The following CMIP variants were observed in gnomAD, a reference collection of about 807,000 sequenced individuals.
The protein encoded by CMIP is c-Maf inducing protein, also known as C-Maf-inducing protein.
CMIP carries 13 observed loss-of-function variants against 97.3 expected under a neutral mutation model. That is an observed-to-expected ratio of 0.13 (90% CI 0.09 to 0.21). The LOEUF is 0.21. Ranked by LOEUF, CMIP falls within the 10% of genes least tolerant of loss-of-function variation. The pLI is 1.00. For synonymous variants in CMIP, 538 were observed against 436.3 expected (o/e 1.23, Z -2.91); for missense variants, 847 against 1,024.9 (o/e 0.83, Z 2.37).
At chr16:81,578,547 C>T (rs1242423052) in intron 1 of CMIP, among the ~76,000 whole-genome samples, 1 of 152,218 alleles carries the variant, frequency 6.6e-6, no homozygotes, top group Non-Finnish European at 1.5e-5. Context: ...TCTCGGAGCT[C>T]ACATTGGAGA....
intron 1 of CMIP, among the ~76,000 whole-genome samples, chr16:81,475,490 A>AT (rs55674732): frequency 0.14 from 21,725 of 150,660 alleles, 1,659 homozygotes; most frequent in Non-Finnish European, 0.17. Flanking sequence ...TGTTTCCTAG[A>AT]TTTTTTTTTT....
At chr16:81,555,694 A>G (rs1245336900) in intron 1 of CMIP, among the ~76,000 whole-genome samples, 2 of 152,150 alleles carry the variant, frequency 1.3e-5, no homozygotes, top group African/African-American at 2.4e-5. Context: ...ACCAGGGTAT[A>G]CTGTGCTCCC....
chr16:81,509,565 G>T (rs1230907726), intron 1 of CMIP, among the ~76,000 whole-genome samples: 1 of 152,160 alleles, frequency 6.6e-6, no homozygotes, highest in African/African-American at 2.4e-5. Flanking sequence ...GGGGGTCATA[G>T]TCTGGCTGTC....
chr16:81,504,732 G>T (rs969932446), intron 1 of CMIP, among the ~76,000 whole-genome samples: 1 of 151,726 alleles, frequency 6.6e-6, no homozygotes, highest in African/African-American at 2.4e-5. Flanking sequence ...TCCACGGTCT[G>T]TGCCATTCCA....
chr16:81,664,508 G>A, intron 7 of CMIP, 159 bp downstream of exon 7: 1 of 610,252 alleles, frequency 1.6e-6, no homozygotes, highest in South Asian at 2.2e-5. Flanking sequence ...ACTTTTGGGG[G>A]TTTTGTACAG....
chr16:81,581,294 G>A (rs182375254), intron 1 of CMIP, among the ~76,000 whole-genome samples: 5 of 152,170 alleles, frequency 3.3e-5, no homozygotes, highest in African/African-American at 4.8e-5. Flanking sequence ...TCCGGGAAGC[G>A]CGTAGTTAGG....
intron 1 of CMIP, among the ~76,000 whole-genome samples, chr16:81,449,298 A>C (rs150402240): frequency 1.1e-4 from 16 of 151,870 alleles, no homozygotes; most frequent in African/African-American, 3.9e-4. Context: ...AATTTTCACC[A>C]CTCTGCTGTT....
intron 1 of CMIP, among the ~76,000 whole-genome samples, chr16:81,454,459 G>A (rs1351363243): frequency 1.3e-5 from 2 of 152,212 alleles, no homozygotes; most frequent in Non-Finnish European, 2.9e-5. Context: ...AAATAAGTGA[G>A]CTTTTCAGTT....
At chr16:81,640,033 C>G (rs73598497) in intron 3 of CMIP, among the ~76,000 whole-genome samples, 2 of 152,088 alleles carry the variant, frequency 1.3e-5, no homozygotes, top group African/African-American at 4.8e-5. Context: ...CATGGCTCCT[C>G]TTTGCCAGGG....
In CMIP at chr16:81,453,291, C is replaced by T. The variant is rs530536081; in HGVS notation, c.300+7750C>T. Among the ~76,000 whole-genome samples, 1 of 152,288 alleles carries T rather than the reference C, an allele frequency of 6.6e-6. No homozygotes were observed. The highest frequency in any genetic ancestry group is 1.9e-4 in the East Asian group (1 of 5,186). On this transcript the variant is annotated intron_variant, in intron 1 of 20. Coordinates refer to ENST00000537098, the MANE Select transcript of CMIP (RefSeq NM_198390.3). The surrounding 1 kb of genome is among the most constrained non-coding windows in gnomAD (Gnocchi z 4.0). ...GGCGAACTCTTTTTGGAGGGAAGCA[C>T]GTGGTCTGGATCGTCTGGTCCCTGG...
At chr16:81,590,856 C>CATCT in intron 1 of CMIP, among the ~76,000 whole-genome samples, 1 of 152,202 alleles carries the variant, frequency 6.6e-6, no homozygotes, top group East Asian at 1.9e-4. Context: ...TCCATCCATC[C>CATCT]ATCCATCCAT....
At position 81,607,603 on chromosome 16, in the gene CMIP, G is replaced by T. The variant is rs1326286805; in HGVS notation, c.337G>T (p.Ala113Ser). Residue 113 changes from alanine (A) to serine (S), a missense_variant, in exon 2 of 21, where the codon GCA becomes TCA. Transcript: ENST00000537098. The part of the protein sequence containing the change: ...GYMENSVSYS[A>S]IEDVQLLSWE... ...CATGGAAAACTCAGTCTCCTACAGC[G>T]CAATTGAAGACGTTCAGCTGCTGTC... 1.2e-6 allele frequency: 2 copies of T among 1,613,860 alleles called. No individual in the cohort carries two copies.
At chr16:81,494,781 C>T (rs1044630131) in intron 1 of CMIP, among the ~76,000 whole-genome samples, 1 of 152,166 alleles carries the variant, frequency 6.6e-6, no homozygotes, top group Non-Finnish European at 1.5e-5. Flanking sequence ...TACCCTTGTC[C>T]CCAAACAACT....
intron 3 of CMIP, among the ~76,000 whole-genome samples, chr16:81,633,402 C>G (rs191185322): frequency 3.2e-4 from 48 of 152,298 alleles, no homozygotes; most frequent in African/African-American, 1.1e-3. Flanking sequence ...GGAGATGAGG[C>G]CAAACAGAGA....
rs1416227386 is a variant in CMIP at position 81,614,983 on chromosome 16, G to C, written c.427-5893G>C. On this transcript the variant is annotated intron_variant, in intron 2 of 20. Coordinates refer to ENST00000537098, the MANE Select transcript of CMIP (RefSeq NM_198390.3). This position sits in a 1 kb window ranked among gnomAD's most constrained non-coding sequence, Gnocchi z 5.3. ...GTGTGTTGTGTGATATGTGACGTGT[G>C]TGTGTGGTGTATGTGTCTATATGTG... Among the ~76,000 whole-genome samples the C allele has an allele frequency of 6.6e-6, 1 of 151,208 alleles. No homozygotes were observed. The highest frequency in any genetic ancestry group is 2.4e-5 in the African/African-American group (1 of 41,088).
Position 81,605,085 on chromosome 16 carries a change from A to G in CMIP, c.301-2482A>G, listed in dbSNP as rs376467633. ...TATGGGTGAGGAAAAGAAGTACAGAACCAACCACCAAGCCCTGGCTTCTCC... is the reference window on the plus strand; with the variant it reads ...TATGGGTGAGGAAAAGAAGTACAGAGCCAACCACCAAGCCCTGGCTTCTCC... On this transcript the variant is annotated intron_variant, in intron 1 of 20. Coordinates refer to ENST00000537098, the MANE Select transcript of CMIP (RefSeq NM_198390.3). Among the ~76,000 whole-genome samples, 23 of 152,312 alleles carry G rather than the reference A, an allele frequency of 1.5e-4. 1 individual carries two copies. The South Asian group carries it at 4.8e-3, about 32-fold the overall frequency.
chr16:81,660,152 A>G (rs1275833625), intron 5 of CMIP, among the ~76,000 whole-genome samples: 1 of 152,184 alleles, frequency 6.6e-6, no homozygotes, highest in African/African-American at 2.4e-5. Flanking sequence ...GGTGGTGAAG[A>G]ACATGAGCTG....
intron 1 of CMIP, among the ~76,000 whole-genome samples, chr16:81,507,180 C>T (rs1262015022): frequency 6.6e-6 from 1 of 152,102 alleles, no homozygotes; most frequent in African/African-American, 2.4e-5. Context: ...GGCGTGAACC[C>T]AGGAGGCGGA....
intron 1 of CMIP, chr16:81,476,648 T>C: frequency 2.6e-6 from 1 of 389,022 alleles, no homozygotes. Context: ...TTAGTTTGCT[T>C]ACTTTCTGTA....
Sources: allele counts gnomAD v4.1 joint callset (sites outside exome capture counted in the v4.1 genomes callset), GRCh38; gene constraint gnomAD v4.1.1; non-coding constraint Gnocchi (gnomAD v3.1); transcripts MANE v1.5; gene names NCBI Gene and HGNC (gene_info 2026-07-23, HGNC 2026-07-21).